Variants in ZFPM1 observed in about 807,000 individuals in gnomAD.
The protein encoded by ZFPM1 is zinc finger protein ZFPM1.
A neutral mutation model predicts 46.3 loss-of-function variants in ZFPM1; 28 were observed. The ratio of observed to expected loss-of-function variants is 0.60; its 90% CI spans 0.45 to 0.83. ZFPM1 has a LOEUF of 0.83. Among genes scored for constraint, ZFPM1 ranks in the 40% least tolerant of loss-of-function variants. The probability of loss-of-function intolerance (pLI) is 0.00; values close to 1 mark genes in which losing one functional copy is unlikely to be tolerated. For synonymous variants in ZFPM1, 957 were observed against 675.9 expected, an observed-to-expected ratio of 1.42 and a Z score of -6.45; for missense variants, 1,878 against 1,432.4, an observed-to-expected ratio of 1.31 and a Z score of -5.02.
chr16:88,516,604 A>G, intron 4 of ZFPM1: 2 of 398,684 alleles, frequency 5.0e-6, no homozygotes, highest in Non-Finnish European at 8.8e-6. Flanking sequence ...GACACACCGT[A>G]CAAGATGATT....
intron 1 of ZFPM1, among the ~76,000 whole-genome samples, chr16:88,458,957 T>C (rs1907678951): frequency 6.6e-6 from 1 of 152,182 alleles, no homozygotes; most frequent in Non-Finnish European, 1.5e-5. Flanking sequence ...AGGAGGCAGA[T>C]GACCCCATGG....
At chr16:88,527,969 G>GT (rs2142478495) in intron 5 of ZFPM1, 63 bp from the exon 6 acceptor site, 2 of 1,455,020 alleles carry the variant, frequency 1.4e-6, no homozygotes. Flanking sequence ...TCTGCCCCTT[G>GT]TTTAAGACGG....
Position 88,497,840 on chromosome 16 carries a change from G to A in ZFPM1, c.268+8687G>A, listed in dbSNP as rs983816614. Among the ~76,000 whole-genome samples, 2 of 152,168 alleles carry A rather than the reference G, an allele frequency of 1.3e-5. No individual in the cohort carries two copies. The highest frequency in any genetic ancestry group is 6.5e-5 in the Admixed American group (1 of 15,286). On this transcript the variant is annotated intron_variant, in intron 3 of 9. Coordinates refer to ENST00000319555, the MANE Select transcript of ZFPM1 (RefSeq NM_153813.3). The surrounding 1 kb of genome is among the most constrained non-coding windows in gnomAD (Gnocchi z 5.4). ...GGGCGTCGGGCTGGTTATCTGGGCC[G>A]AGCTCCATCTGACTAATCTCGCCGG...
Position 88,481,138 on chromosome 16 carries a change from G to A in ZFPM1, c.41-4801G>A, listed in dbSNP as rs771445567. On this transcript the variant is annotated intron_variant, in intron 1 of 9. Transcript: ENST00000319555. ...ATGAGCAGGAGACGGATGGGCGCACGGGTGTCTGCTGGCTGTGATAACCAA... is the reference window on the plus strand; with the variant it reads ...ATGAGCAGGAGACGGATGGGCGCACAGGTGTCTGCTGGCTGTGATAACCAA... Among the ~76,000 whole-genome samples, 5 of 152,344 alleles carry A rather than the reference G, an allele frequency of 3.3e-5. No individual in the cohort carries two copies. The South Asian group carries it at 6.2e-4, about 19-fold the overall frequency.
chr16:88,466,292 A>G (rs1908131131), intron 1 of ZFPM1, among the ~76,000 whole-genome samples: 1 of 152,060 alleles, frequency 6.6e-6, no homozygotes, highest in African/African-American at 2.4e-5. Flanking sequence ...GGCATGGAGT[A>G]CTCTGCAGCC....
rs529772426 is a variant in ZFPM1 at position 88,514,501 on chromosome 16, C to A, written c.383C>A (p.Ser128Tyr). 9.5e-5 allele frequency: 149 copies of A among 1,562,616 alleles called. No homozygotes were observed. The South Asian group carries it at 1.7e-3, about 17-fold the overall frequency. Residue 128 changes from serine to tyrosine, a missense_variant, in exon 4 of 10, where the codon TCC (serine) becomes TAC (tyrosine). Physicochemically the swap from Ser to Tyr is moderately radical, Grantham distance 144 (BLOSUM62 -2). Coordinates refer to ENST00000319555, the MANE Select transcript of ZFPM1 (RefSeq NM_153813.3). Reference protein sequence around the residue: ...FHGSVQTRASSPRQAEPSPAL... With the variant: ...FHGSVQTRASYPRQAEPSPAL... The stretch of plus-strand genomic sequence containing the variant: ...GGGAGTGTCCAGACCAGAGCCTCAT[C>A]CCCCAGGCAGGCGGAGCCGGTAAGA...
chr16:88,508,299 A>G (rs1053425045), intron 3 of ZFPM1, among the ~76,000 whole-genome samples: 1 of 152,142 alleles, frequency 6.6e-6, no homozygotes, highest in Non-Finnish European at 1.5e-5. Flanking sequence ...TCTGTCTCAA[A>G]AAAAAAGAAA....
intron 2 of ZFPM1, among the ~76,000 whole-genome samples, chr16:88,488,588 G>T: frequency 6.6e-6 from 1 of 152,028 alleles, no homozygotes; most frequent in Middle Eastern, 3.4e-3. Context: ...GGGTGGGGGG[G>T]CTTTATGGGA....
chr16:88,483,905 T>C (rs2142369784), intron 1 of ZFPM1, among the ~76,000 whole-genome samples: 1 of 152,292 alleles, frequency 6.6e-6, no homozygotes, highest in African/African-American at 2.4e-5. Flanking sequence ...GGGGTCAGCC[T>C]TGGACATCAG....
chr16:88,461,211 G>T (rs557589255), intron 1 of ZFPM1, among the ~76,000 whole-genome samples: 40 of 139,724 alleles, frequency 2.9e-4, no homozygotes, highest in Non-Finnish European at 4.4e-4. Context: ...GAGGACCCAG[G>T]GGCGGGAGGC....
In ZFPM1 at chr16:88,481,558, G is replaced by A. The variant is rs549609662; in HGVS notation, c.41-4381G>A. On this transcript the variant is annotated intron_variant, in intron 1 of 9. Coordinates refer to ENST00000319555, the MANE Select transcript of ZFPM1 (RefSeq NM_153813.3). ...CTGTGGGTATTGGGATGTGGTTGGC[G>A]AGTGGGATTTCCACGATGGCTGCCC... Among the ~76,000 whole-genome samples the A allele has an allele frequency of 2.6e-5, 4 of 152,190 alleles. No homozygotes were observed. In the South Asian group the frequency reaches 8.3e-4, roughly 32 times the overall value.
At chr16:88,481,327 G>A (rs562516478) in intron 1 of ZFPM1, among the ~76,000 whole-genome samples, 2 of 152,254 alleles carry the variant, frequency 1.3e-5, no homozygotes, top group South Asian at 2.1e-4. Flanking sequence ...GTCCCAGGGC[G>A]AGGGAGGCGT....
At chr16:88,501,146 G>A (rs546102101) in intron 3 of ZFPM1, among the ~76,000 whole-genome samples, 232 of 129,142 alleles carry the variant, frequency 1.8e-3, no homozygotes, top group African/African-American at 6.8e-3. Context: ...CCATCCCGCA[G>A]GTGCTGGTGA....
At chr16:88,505,750 C>T (rs988001654) in intron 3 of ZFPM1, among the ~76,000 whole-genome samples, 3 of 152,130 alleles carry the variant, frequency 2.0e-5, no homozygotes, top group Admixed American at 1.3e-4. Context: ...GATGTGGGTC[C>T]TGAGCACATC....
intron 3 of ZFPM1, among the ~76,000 whole-genome samples, chr16:88,492,571 C>T (rs879407036): frequency 4.6e-5 from 7 of 152,252 alleles, no homozygotes; most frequent in Non-Finnish European, 7.3e-5. Context: ...GGGCCCTCAT[C>T]TGCTGGCTGG....
intron 2 of ZFPM1, among the ~76,000 whole-genome samples, chr16:88,487,089 G>T (rs1909273991): frequency 1.3e-5 from 2 of 152,178 alleles, no homozygotes; most frequent in African/African-American, 4.8e-5. Context: ...AGGAGGGCCT[G>T]CCCTCCCAGG....
intron 1 of ZFPM1, among the ~76,000 whole-genome samples, chr16:88,467,051 C>T (rs1164934298): frequency 2.0e-5 from 3 of 152,128 alleles, no homozygotes; most frequent in African/African-American, 7.2e-5. Context: ...CCGCAGCCCA[C>T]CCTCCCTGAA....
chr16:88,466,162 A>C (rs1908125468), intron 1 of ZFPM1, among the ~76,000 whole-genome samples: 2 of 152,100 alleles, frequency 1.3e-5, no homozygotes, highest in African/African-American at 4.8e-5. Context: ...ACCCAAAGGC[A>C]GGATCCCTGG....
intron 3 of ZFPM1, among the ~76,000 whole-genome samples, chr16:88,510,889 T>C (rs761983066): frequency 6.6e-6 from 1 of 152,178 alleles, no homozygotes; most frequent in African/African-American, 2.4e-5. Context: ...GAAAGAATCC[T>C]CACAAGTCCT....
Sources: gnomAD v4.1 joint callset for allele counts (sites outside exome capture counted in the v4.1 genomes callset) on GRCh38, gnomAD v4.1.1 for gene constraint, Gnocchi (gnomAD v3.1) non-coding constraint, MANE v1.5 for transcripts, NCBI Gene and HGNC (gene_info 2026-07-23, HGNC 2026-07-21) for gene names.